The following DNAJC1 variants were observed in gnomAD, a reference collection of about 807,000 sequenced individuals.
The protein encoded by DNAJC1 is dnaJ homolog subfamily C member 1.
A neutral mutation model predicts 76.6 loss-of-function variants in DNAJC1; 58 were observed. The ratio of observed to expected loss-of-function variants is 0.76; its 90% confidence interval spans 0.61 to 0.94. The LOEUF (loss-of-function observed/expected upper bound fraction) is 0.94. DNAJC1 is among the 40% of genes least tolerant of loss of function. DNAJC1 has a pLI of 0.00. For missense variants in DNAJC1, 689 were observed against 677.3 expected (o/e 1.02, Z -0.19); for synonymous variants, 258 against 267.9 (o/e 0.96, Z 0.36).
At chr10:21,950,415 T>C (rs1348791524) in intron 1 of DNAJC1, among the ~76,000 whole-genome samples, 2 of 152,184 alleles carry the variant, frequency 1.3e-5, no homozygotes, top group African/African-American at 4.8e-5. Flanking sequence ...GTGTTCTGAC[T>C]GATCCGACGA....
chr10:21,813,218 C>CTATA (rs1387541271), intron 8 of DNAJC1, among the ~76,000 whole-genome samples: 39 of 29,634 alleles, frequency 1.3e-3, no homozygotes, highest in South Asian at 1.5e-3. Context: ...CTCTCTCTCT[C>CTATA]TCTATATATA....
chr10:21,919,869 C>A lies in DNAJC1; in HGVS notation c.598G>T (p.Asp200Tyr). The change falls in exon 5 of 12, where the codon GAT (aspartate) becomes TAT (tyrosine). Residue 200 changes from aspartate to tyrosine, a missense_variant. By Grantham distance (160) the Asp-to-Tyr change is radical. Coordinates refer to ENST00000376980, the MANE Select transcript of DNAJC1 (RefSeq NM_022365.4). ...KKKKTGSKSV[D>Y]VSKLGASEKN... ...TCTGAAGCACCGAGTTTTGATACAT[C>A]CACACTCTTGCTGCCAGTCTTTTTT... The A allele has an allele frequency of 3.1e-6, 5 of 1,609,382 alleles. No homozygotes were observed. The highest frequency in any genetic ancestry group is 4.2e-6 in the Non-Finnish European group (5 of 1,178,688).
At chr10:21,882,551 C>T in intron 7 of DNAJC1, 112 bp from the exon 8 acceptor site, 1 of 736,642 alleles carries the variant, frequency 1.4e-6, no homozygotes. Context: ...TATAATTGTT[C>T]TGTTATAAAT....
chr10:21,931,582 T>G (rs1837225131), intron 1 of DNAJC1, among the ~76,000 whole-genome samples: 1 of 152,212 alleles, frequency 6.6e-6, no homozygotes, highest in African/African-American at 2.4e-5. Flanking sequence ...GCTGAGTAAC[T>G]TCCCAATGAG....
intron 1 of DNAJC1, among the ~76,000 whole-genome samples, chr10:21,960,993 T>C (rs1233407836): frequency 6.6e-6 from 1 of 152,218 alleles, no homozygotes; most frequent in East Asian, 1.9e-4. Flanking sequence ...TATGCCATCA[T>C]TAGCCATTAA....
At chr10:21,880,670 G>A (rs555853533) in intron 8 of DNAJC1, among the ~76,000 whole-genome samples, 4 of 152,186 alleles carry the variant, frequency 2.6e-5, no homozygotes, top group South Asian at 2.1e-4. Flanking sequence ...AAACCATGCC[G>A]TAAACAGATG....
intron 11 of DNAJC1, 23 bp downstream of exon 11, chr10:21,759,147 A>C: frequency 6.2e-7 from 1 of 1,600,082 alleles, no homozygotes; most frequent in Non-Finnish European, 8.5e-7. Flanking sequence ...ACCTGTGCAG[A>C]GGCCTCTTTC....
At chr10:21,836,012 G>C (rs1380940495) in intron 8 of DNAJC1, among the ~76,000 whole-genome samples, 1 of 152,132 alleles carries the variant, frequency 6.6e-6, no homozygotes, top group Non-Finnish European at 1.5e-5. Flanking sequence ...CCAACTCCAA[G>C]ACACATAATT....
At chr10:21,836,858 G>A (rs988279752) in intron 8 of DNAJC1, among the ~76,000 whole-genome samples, 1 of 152,154 alleles carries the variant, frequency 6.6e-6, no homozygotes, top group Non-Finnish European at 1.5e-5. Flanking sequence ...AAGAGACTTA[G>A]ACTCCCACAC....
At chr10:21,778,896 C>A (rs1370339918) in intron 9 of DNAJC1, among the ~76,000 whole-genome samples, 1 of 152,244 alleles carries the variant, frequency 6.6e-6, no homozygotes, top group Non-Finnish European at 1.5e-5. Context: ...CACTCCCACC[C>A]TAACACTGCG....
At chr10:22,001,247 C>A (rs1043521894) in intron 1 of DNAJC1, among the ~76,000 whole-genome samples, 1 of 152,184 alleles carries the variant, frequency 6.6e-6, no homozygotes, top group Non-Finnish European at 1.5e-5. Context: ...GGCTAGTCAC[C>A]AAATGGCTCT....
chr10:21,853,277 C>T (rs1038915412), intron 8 of DNAJC1, among the ~76,000 whole-genome samples: 3 of 152,032 alleles, frequency 2.0e-5, no homozygotes, highest in African/African-American at 7.2e-5. Context: ...TGTGTCTTTG[C>T]GCCACATGTG....
rs1836558907 is a variant in DNAJC1, at chr10:21,897,318, TA to T, written c.820+7203del. 2.0e-5 allele frequency among the ~76,000 whole-genome samples: 3 copies of T among 152,272 alleles called. No individual in the cohort carries two copies. In the South Asian group the frequency reaches 6.2e-4, roughly 32 times the overall value. Reference sequence around the variant, plus strand: ...AGTCCAATAATGTAATATATCGTATTAATACACCAAAAATGAAATATCACAT... The same window carrying T: ...AGTCCAATAATGTAATATATCGTATTATACACCAAAAATGAAATATCACAT... On this transcript the variant is annotated intron_variant, in intron 7 of 11. Transcript: ENST00000376980.
chr10:21,995,254 G>A (rs1040008346), intron 1 of DNAJC1, among the ~76,000 whole-genome samples: 2 of 152,064 alleles, frequency 1.3e-5, no homozygotes, highest in Admixed American at 1.3e-4. Context: ...CATGTGTACG[G>A]ACCCTAAGAT....
intron 1 of DNAJC1, among the ~76,000 whole-genome samples, chr10:21,963,004 A>T (rs1459774843): frequency 6.6e-6 from 1 of 152,204 alleles, no homozygotes; most frequent in Admixed American, 6.5e-5. Context: ...TTTCATGAAG[A>T]ACAATCAGTT....
chr10:21,758,463 G>A (rs1834202730), intron 11 of DNAJC1, among the ~76,000 whole-genome samples: 1 of 152,106 alleles, frequency 6.6e-6, no homozygotes, highest in Admixed American at 6.6e-5. Context: ...GGGCACTCCC[G>A]CCCCCTCCTC....
intron 8 of DNAJC1, among the ~76,000 whole-genome samples, chr10:21,853,337 G>A (rs1835784602): frequency 6.6e-6 from 1 of 152,078 alleles, no homozygotes; most frequent in Admixed American, 6.6e-5. Flanking sequence ...TAGTTCATGA[G>A]AAAGTGAGTC....
chr10:21,790,621 A>G (rs1372151465), intron 9 of DNAJC1, among the ~76,000 whole-genome samples: 1 of 152,138 alleles, frequency 6.6e-6, no homozygotes, highest in African/African-American at 2.4e-5. Flanking sequence ...CATCACCACT[A>G]CATTGGCCTT....
At chr10:21,826,548 T>C (rs983446069) in intron 8 of DNAJC1, among the ~76,000 whole-genome samples, 1 of 152,228 alleles carries the variant, frequency 6.6e-6, no homozygotes, top group African/African-American at 2.4e-5. Context: ...TTGCCCAAGC[T>C]TTTGCTGTCA....
Sources: allele counts gnomAD v4.1 joint callset (sites outside exome capture counted in the v4.1 genomes callset), GRCh38; gene constraint gnomAD v4.1.1; transcripts MANE v1.5; gene names NCBI Gene and HGNC (gene_info 2026-07-23, HGNC 2026-07-21).